Variants in PARM1 observed in about 807,000 individuals in gnomAD.
PARM1 encodes prostate androgen-regulated mucin-like protein 1.
PARM1 carries 14 observed loss-of-function variants against 24.6 expected under a neutral mutation model. The ratio of observed to expected loss-of-function variants is 0.57; its 90% CI spans 0.38 to 0.89. The LOEUF is 0.89. PARM1 is among the 40% of genes least tolerant of loss of function. The pLI, the probability that PARM1 is intolerant of heterozygous loss-of-function variation, is 0.00. For synonymous variants in PARM1, 179 were observed against 156.6 expected (o/e 1.14, Z -1.07); for missense variants, 362 against 380.4 (o/e 0.95, Z 0.40).
rs1446025559 is a variant in PARM1, at chr4:75,033,911, C to A, written c.798C>A (p.Val266=). 1.2e-6 allele frequency: 2 copies of A among 1,604,728 alleles called. No homozygotes were observed. Among genetic ancestry groups the A allele is most frequent in the Admixed American group, 3.4e-5 (2 of 59,010 alleles). Residue 266 remains valine (V), a synonymous_variant, in exon 3 of 4, where the codon GTC becomes GTA. Coordinates refer to ENST00000307428, the MANE Select transcript of PARM1 (RefSeq NM_015393.4). ...GCATCGCCGCCATTACCGTGACAGT[C>A]ATTGCCGTGGTGCTGCTGGTGTTTG... ...SGSIAAITVT[V]IAVVLLVFGV...
At chr4:74,944,523 G>T (rs892608128) in intron 1 of PARM1, among the ~76,000 whole-genome samples, 4 of 152,076 alleles carry the variant, frequency 2.6e-5, no homozygotes, top group African/African-American at 9.7e-5. Context: ...TGTGGTGCTG[G>T]AGGACAGGTG....
intron 1 of PARM1, chr4:74,957,278 A>T (rs1158139437): frequency 6.6e-6 from 1 of 152,190 alleles, no homozygotes; most frequent in East Asian, 1.9e-4. Flanking sequence ...TGACACCCAC[A>T]TTTGAACTCA....
chr4:74,949,865 T>G (rs1368343713), intron 1 of PARM1, among the ~76,000 whole-genome samples: 7 of 151,808 alleles, frequency 4.6e-5, no homozygotes, highest in Admixed American at 3.3e-4. Flanking sequence ...CATAATCTGC[T>G]TCTGCAACAG....
chr4:74,936,579 G>A (rs1370439597), intron 1 of PARM1, among the ~76,000 whole-genome samples: 3 of 151,294 alleles, frequency 2.0e-5, no homozygotes, highest in African/African-American at 7.3e-5. Context: ...TCAGCCTCCC[G>A]AGTAACTGGG....
intron 1 of PARM1, among the ~76,000 whole-genome samples, chr4:75,007,798 C>T (rs899588029): frequency 6.6e-6 from 1 of 152,044 alleles, no homozygotes; most frequent in Non-Finnish European, 1.5e-5. Flanking sequence ...GAATTAGTGC[C>T]CTTATAAGAA....
chr4:75,021,601 C>G (rs1029115609), intron 2 of PARM1, among the ~76,000 whole-genome samples: 1 of 151,888 alleles, frequency 6.6e-6, no homozygotes, highest in Non-Finnish European at 1.5e-5. Context: ...TTTTTATCCT[C>G]ACCCTCCTCC....
intron 1 of PARM1, among the ~76,000 whole-genome samples, chr4:74,934,344 A>G (rs1380884666): frequency 1.3e-5 from 2 of 152,168 alleles, no homozygotes; most frequent in African/African-American, 4.8e-5. Flanking sequence ...ATGTGACCCA[A>G]AGTCACATAG....
intron 2 of PARM1, among the ~76,000 whole-genome samples, chr4:75,019,013 G>A (rs1352920758): frequency 6.6e-6 from 1 of 152,250 alleles, no homozygotes; most frequent in South Asian, 2.1e-4. Context: ...TGGGTCCCAG[G>A]GGTAGAGCTG....
intron 1 of PARM1, among the ~76,000 whole-genome samples, chr4:74,962,838 G>C (rs1056095787): frequency 1.3e-5 from 2 of 152,282 alleles, no homozygotes; most frequent in African/African-American, 4.8e-5. Context: ...ATGGATGGTG[G>C]TGATGGTTGC....
chr4:75,042,580 T>C (rs982251167), intron 3 of PARM1, among the ~76,000 whole-genome samples: 1 of 152,030 alleles, frequency 6.6e-6, no homozygotes, highest in East Asian at 1.9e-4. Flanking sequence ...GGTTTCTGAT[T>C]GTCTTTTTTT....
intron 1 of PARM1, chr4:74,969,966 C>T (rs1023067218): frequency 5.9e-5 from 9 of 152,334 alleles, no homozygotes; most frequent in African/African-American, 2.2e-4. Context: ...AGTCTGGATG[C>T]AACCTTTTGT....
At chr4:74,973,506 T>C (rs562250126) in intron 1 of PARM1, among the ~76,000 whole-genome samples, 155 of 115,950 alleles carry the variant, frequency 1.3e-3, no homozygotes, top group South Asian at 2.4e-3. Flanking sequence ...AGTCCAGGGA[T>C]AGAGCTAGAG....
At chr4:74,984,721 T>C (rs1423249879) in intron 1 of PARM1, among the ~76,000 whole-genome samples, 1 of 152,220 alleles carries the variant, frequency 6.6e-6, no homozygotes, top group East Asian at 1.9e-4. Flanking sequence ...GTGTTTTACA[T>C]GGATATCAGA....
intron 3 of PARM1, among the ~76,000 whole-genome samples, chr4:75,044,635 G>A (rs1723562532): frequency 6.6e-6 from 1 of 152,180 alleles, no homozygotes; most frequent in Non-Finnish European, 1.5e-5. Flanking sequence ...GGAGTACTAT[G>A]AGAAATATTA....
At chr4:74,942,043 T>C (rs908209946) in intron 1 of PARM1, among the ~76,000 whole-genome samples, 1 of 152,222 alleles carries the variant, frequency 6.6e-6, no homozygotes, top group African/African-American at 2.4e-5. Context: ...TCCTTCCTTG[T>C]AGGGTTATGA....
chr4:74,967,831 A>G (rs1721937474), intron 1 of PARM1: 1 of 152,220 alleles, frequency 6.6e-6, no homozygotes, highest in African/African-American at 2.4e-5. Flanking sequence ...GGCAAAATGT[A>G]ACCATTATTA....
chr4:75,015,379 C>T (rs993286237), intron 2 of PARM1, among the ~76,000 whole-genome samples: 1 of 152,152 alleles, frequency 6.6e-6, no homozygotes, highest in African/African-American at 2.4e-5. Context: ...ATAGCAGAAA[C>T]TCAGAATAAA....
intron 1 of PARM1, among the ~76,000 whole-genome samples, chr4:75,006,713 G>A (rs149224411): frequency 0.01 from 1,582 of 152,192 alleles, 33 homozygotes; most frequent in African/African-American, 0.037. Flanking sequence ...TTGAGGAATC[G>A]CCACACTGTC....
chr4:75,024,711 T>G lies in PARM1; in HGVS notation c.770-9172T>G, dbSNP rs574035482. Among the ~76,000 whole-genome samples the G allele has an allele frequency of 3.4e-4, 52 of 152,310 alleles. No homozygotes were observed. In the South Asian group the frequency reaches 0.01, roughly 30 times the overall value. On this transcript the variant is annotated intron_variant, in intron 2 of 3. Coordinates refer to ENST00000307428, the MANE Select transcript of PARM1 (RefSeq NM_015393.4). ...TAGTTTTTTGTTTGTTTGTTTTCTT[T>G]GAGACTGAATTTTGCTCACTCTCGT...
Sources: allele counts gnomAD v4.1 joint callset (sites outside exome capture counted in the v4.1 genomes callset), GRCh38; gene constraint gnomAD v4.1.1; transcripts MANE v1.5; gene names NCBI Gene and HGNC (gene_info 2026-07-23, HGNC 2026-07-21).